Variants in LTF observed in about 807,000 individuals in gnomAD.
The protein encoded by LTF is epididymis luminal protein 110.
Under a neutral mutation model 87.2 loss-of-function variants are expected in LTF, and 91 were observed. The ratio of observed to expected loss-of-function variants is 1.04; its 90% confidence interval spans 0.88 to 1.24. The LOEUF (loss-of-function observed/expected upper bound fraction) is 1.24. LTF is among the 50% of genes most tolerant of loss of function. LTF has a pLI of 0.00. For synonymous variants in LTF, 378 were observed against 356.1 expected (o/e 1.06, Z -0.69); for missense variants, 901 against 904.3 (o/e 1.00, Z 0.05).
In LTF at chr3:46,445,400, G is replaced by C. The variant is rs142639136; in HGVS notation, c.1394C>G (p.Thr465Ser). 6.2e-7 allele frequency: 1 copy of C among 1,613,802 alleles called. No individual in the cohort carries two copies. Among genetic ancestry groups the C allele is most frequent in the East Asian group, 2.2e-5 (1 of 44,850 alleles). Reference protein sequence around the residue: ...LAVAVVRRSDTSLTWNSVKGK... With the variant: ...LAVAVVRRSDSSLTWNSVKGK... Reference sequence around the variant, plus strand: ...TTTCACAGAGTTCCAGGTAAGGCTAGTGTCTGATCTCCTAACCACCGCCAC... The same window carrying C: ...TTTCACAGAGTTCCAGGTAAGGCTACTGTCTGATCTCCTAACCACCGCCAC... The change falls in exon 12 of 17, where the codon ACT becomes AGT. Residue 465 changes from threonine to serine, a missense_variant. Physicochemically the swap from Thr to Ser is moderately conservative, Grantham distance 58. Transcript: ENST00000231751.
chr3:46,477,412 T>C (rs912317047), intron 1 of LTF, among the ~76,000 whole-genome samples: 1 of 152,180 alleles, frequency 6.6e-6, no homozygotes, highest in Admixed American at 6.5e-5. Context: ...GCGACTCCCT[T>C]GTCCCTTTGA....
chr3:46,465,103 G>C (rs568516885), upstream of LTF: 1 of 571,576 alleles, frequency 1.7e-6, no homozygotes, highest in South Asian at 2.1e-5. Context: ...CACCTGTCCT[G>C]GTTCTGCCTG....
At chr3:46,453,889 C>A in intron 6 of LTF, 1 of 178,734 alleles carries the variant, frequency 5.6e-6, no homozygotes, top group Admixed American at 5.5e-5. Context: ...GTTAGGACCC[C>A]TGAGCTAGAC....
intron 2 of LTF, 140 bp from the exon 3 acceptor site, chr3:46,456,538 A>C: frequency 1.6e-6 from 1 of 627,718 alleles, no homozygotes; most frequent in Non-Finnish European, 2.8e-6. Context: ...CTCACTTCCT[A>C]TGAGAGATGG....
intron 16 of LTF, among the ~76,000 whole-genome samples, chr3:46,437,736 A>C (rs940298335): frequency 2.6e-5 from 4 of 152,228 alleles, no homozygotes; most frequent in Non-Finnish European, 1.5e-5. Flanking sequence ...CGTACTATAA[A>C]ATTTATAAAA....
rs573080452 is a variant in LTF, at chr3:46,438,866, C to T, written c.1908+430G>A. On this transcript the variant is annotated intron_variant, in intron 15 of 16. Transcript: ENST00000231751. ...TAGAGAGCCCTAAATCTATAGGGCA[C>T]CTTCTGAGTTTGCTGTTTTAGAGGC... 1.2e-3 allele frequency among the ~76,000 whole-genome samples: 179 copies of T among 152,260 alleles called. 1 individual carries two copies. The highest frequency in any genetic ancestry group is 4.1e-3 in the African/African-American group (170 of 41,552).
At chr3:46,475,010 T>G (rs943092807) in intron 1 of LTF, among the ~76,000 whole-genome samples, 1 of 152,082 alleles carries the variant, frequency 6.6e-6, no homozygotes, top group Non-Finnish European at 1.5e-5. Flanking sequence ...AGGAAAAGCC[T>G]CATATCAGTA....
intron 12 of LTF, 65 bp downstream of exon 12, chr3:46,445,216 G>T (rs1336996424): frequency 6.8e-7 from 1 of 1,471,714 alleles, no homozygotes; most frequent in East Asian, 2.4e-5. Context: ...CTTCCCTAAG[G>T]TTCCACAGCA....
chr3:46,467,125 C>CAGCCCCT (rs1423179482), upstream of LTF, among the ~76,000 whole-genome samples: 1 of 152,192 alleles, frequency 6.6e-6, no homozygotes, highest in Non-Finnish European at 1.5e-5. Context: ...ACAGGCAGAG[C>CAGCCCCT]AGCCCCTCAA....
At chr3:46,454,118 A>G (rs1702866207) in intron 6 of LTF, 187 bp downstream of exon 6, 2 of 615,862 alleles carry the variant, frequency 3.2e-6, no homozygotes, top group Non-Finnish European at 2.9e-6. Context: ...GAAAGGCAGT[A>G]GGCACAGGAG....
At chr3:46,464,711 C>T in intron 1 of LTF, 114 bp downstream of exon 1, 2 of 1,162,970 alleles carry the variant, frequency 1.7e-6, no homozygotes, top group Non-Finnish European at 2.5e-6. Context: ...GCTGGGACCG[C>T]GGGGCGCAGA....
intron 1 of LTF, among the ~76,000 whole-genome samples, chr3:46,480,810 G>A (rs758447011): frequency 6.6e-5 from 10 of 152,160 alleles, no homozygotes; most frequent in Non-Finnish European, 1.2e-4. Flanking sequence ...AATACAAGAC[G>A]TGAGAATTAA....
upstream of LTF, among the ~76,000 whole-genome samples, chr3:46,469,086 A>G (rs1467225143): frequency 1.3e-5 from 2 of 152,230 alleles, no homozygotes; most frequent in Non-Finnish European, 1.5e-5. Flanking sequence ...ATGACATTTT[A>G]AAATCCAAAT....
chr3:46,478,992 T>A (rs1347638679), intron 1 of LTF, among the ~76,000 whole-genome samples: 1 of 152,216 alleles, frequency 6.6e-6, no homozygotes, highest in African/African-American at 2.4e-5. Context: ...AGAGCATTTA[T>A]CCTGGACCAG....
rs763429284 is a variant in LTF at position 46,459,731 on chromosome 3, A to G, written c.132T>C (p.Asn44=). Residue 44 remains asparagine (N), a synonymous_variant, in exon 2 of 17, where the codon AAT becomes AAC. Transcript: ENST00000231751. ...CAGGAGGGCCACGCACTTTTCTCAT[A>G]TTCCTTTGCCATTGGAAGCATTTTG... ...EATKCFQWQR[N]MRKVRGPPVS... is the part of the protein sequence containing the mutation. The G allele has an allele frequency of 6.3e-7, 1 of 1,580,240 alleles. No homozygotes were observed. The highest frequency in any genetic ancestry group is 1.7e-4 in the Middle Eastern group (1 of 5,978).
intron 1 of LTF, among the ~76,000 whole-genome samples, chr3:46,484,054 T>G (rs1326869388): frequency 6.6e-6 from 1 of 152,210 alleles, no homozygotes; most frequent in South Asian, 2.1e-4. Flanking sequence ...GTACCAGAGA[T>G]GCCCTTGGAA....
At position 46,448,827 on chromosome 3, in the gene LTF, G is replaced by C. The variant is rs201617751; in HGVS notation, c.1212+36C>G. On this transcript the variant is annotated intron_variant, in intron 9 of 16. Transcript: ENST00000231751. ...ATGCCCAGGCCCTAGGTCTTCCACC[G>C]GGCCCACCGCCCGCCCCTGTGATGG... is the stretch of plus-strand genomic sequence containing the variant. The C allele has an allele frequency of 2.9e-5, 47 of 1,602,730 alleles. No homozygotes were observed. In the South Asian group the frequency reaches 4.6e-4, roughly 16 times the overall value.
At chr3:46,439,502 C>A in intron 14 of LTF, 22 bp from the exon 15 acceptor site, 2 of 1,583,518 alleles carry the variant, frequency 1.3e-6, no homozygotes, top group South Asian at 1.2e-5. Flanking sequence ...AAGAAGGTGG[C>A]ATCATCCACG....
Position 46,439,325 on chromosome 3 carries a change from G to A in LTF, c.1879C>T (p.Arg627Cys), listed in dbSNP as rs188531064. ...AVVSRMDKVE[R>C]LKQVLLHQQA... The stretch of plus-strand genomic sequence containing the variant: ...TGGTGGAGCAACACCTGTTTCAGGC[G>A]TTCCACCTTATCCATCCGAGACACC... The change falls in exon 15 of 17, where the codon CGC (arginine) becomes TGC (cysteine). Residue 627 changes from arginine to cysteine, a missense_variant. Coordinates refer to ENST00000231751, the MANE Select transcript of LTF (RefSeq NM_002343.6). The A allele has an allele frequency of 2.4e-5, 38 of 1,613,688 alleles. No individual in the cohort carries two copies. The highest frequency in any genetic ancestry group is 5.3e-5 in the African/African-American group (4 of 75,008).
Sources: gnomAD v4.1 joint callset for allele counts (sites outside exome capture counted in the v4.1 genomes callset) on GRCh38, gnomAD v4.1.1 for gene constraint, MANE v1.5 for transcripts, NCBI Gene and HGNC (gene_info 2026-07-23, HGNC 2026-07-21) for gene names.